F9: variants seen among roughly 807,000 people sequenced by gnomAD.
F9 encodes the protein Christmas factor.
Under a neutral mutation model 34.1 loss-of-function variants are expected in F9, and 2 were observed. The observed-to-expected ratio is 0.06, with a 90% CI of 0.02 to 0.18. The LOEUF (loss-of-function observed/expected upper bound fraction) is 0.18, where lower values mean the gene tolerates loss of function less well. Ranked by LOEUF, F9 falls within the 10% of genes least tolerant of loss-of-function variation. The pLI is 1.00. For missense variants in F9, 216 were observed against 345.1 expected, an observed-to-expected ratio of 0.63 and a Z score of 2.96; for synonymous variants, 137 against 118.8, an observed-to-expected ratio of 1.15 and a Z score of -1.00.
chrX:139,532,757 G>T (rs1011727093), intron 1 of F9, among the ~76,000 whole-genome samples: 12 of 111,864 alleles, frequency 1.1e-4, no homozygotes, highest in African/African-American at 3.9e-4. Context: ...TGATATAAGG[G>T]CATTTTATGC....
At position 139,541,089 on chromosome X, in the gene F9, T is replaced by G; in HGVS notation, c.291T>G (p.Cys97Trp). 8.4e-7 allele frequency: 1 copy of G among 1,194,292 alleles called. No individual in the cohort carries two copies. The highest frequency in any genetic ancestry group is 1.1e-6 in the Non-Finnish European group (1 of 882,554). ...FWKQYVDGDQ[C>W]ESNPCLNGGS... ...CCTATCTCAAAGATGGAGATCAGTG[T>G]GAGTCCAATCCATGTTTAAATGGCG... The change falls in exon 4 of 8, where the codon TGT becomes TGG. Residue 97 changes from cysteine to tryptophan, a missense_variant. Physicochemically the swap from Cys to Trp is radical, Grantham distance 215 (BLOSUM62 -2). This residue lies in a region of F9 where 177 missense variants were observed against 311.8 expected (regional missense o/e 0.57). Coordinates refer to ENST00000218099, the MANE Select transcript of F9 (RefSeq NM_000133.4).
chrX:139,558,899 C>T (rs1318953217), intron 6 of F9, among the ~76,000 whole-genome samples: 1 of 111,966 alleles, frequency 8.9e-6, no homozygotes, highest in African/African-American at 3.3e-5. Flanking sequence ...GATTCTACTG[C>T]AATTGGTCCA....
rs915105161 is a variant in F9 at position 139,562,566 on chromosome X, C to T, written c.*495C>T. ...GAGAGGCTAAAACTCATCAAAAACA[C>T]TACTCCTTTTCCTCTACCCTATTCC... On this transcript the variant is annotated 3_prime_UTR_variant, in exon 8 of 8. Coordinates refer to ENST00000218099, the MANE Select transcript of F9 (RefSeq NM_000133.4). The T allele has an allele frequency of 2.6e-5, 3 of 114,721 alleles. No homozygotes were observed. The highest frequency in any genetic ancestry group is 6.5e-5 in the African/African-American group (2 of 30,714). 9.5% of individuals were successfully genotyped at this position (114,721 alleles called of 1,213,427 possible). A position where few individuals can be genotyped will look rare whatever the true frequency, so the allele number is the denominator to read the frequency against.
At chrX:139,554,909 T>C (rs1242532515) in intron 6 of F9, among the ~76,000 whole-genome samples, 4 of 112,247 alleles carry the variant, frequency 3.6e-5, no homozygotes, top group Admixed American at 1.9e-4. Flanking sequence ...ACATAGAGAG[T>C]TCACTTTCAT....
chrX:139,555,601 G>A (rs938346148), intron 6 of F9, among the ~76,000 whole-genome samples: 1 of 112,835 alleles, frequency 8.9e-6, no homozygotes, highest in Non-Finnish European at 1.9e-5. Context: ...CCAATGGAAG[G>A]AGGTACTTCA....
intron 1 of F9, among the ~76,000 whole-genome samples, chrX:139,531,185 A>C (rs1466286803): frequency 8.9e-6 from 1 of 111,984 alleles, no homozygotes; most frequent in Non-Finnish European, 1.9e-5. Context: ...AAATAGCAGA[A>C]TATAGTGAAA....
intron 4 of F9, among the ~76,000 whole-genome samples, chrX:139,546,440 C>A (rs373991385): frequency 1.3e-4 from 14 of 111,669 alleles, no homozygotes; most frequent in African/African-American, 4.6e-4. Context: ...GGAAGCCAAG[C>A]AATTTCTAGA....
intron 1 of F9, among the ~76,000 whole-genome samples, chrX:139,536,173 A>G (rs1927458385): frequency 9.5e-6 from 1 of 104,775 alleles, no homozygotes; most frequent in African/African-American, 3.5e-5. Flanking sequence ...GTATATATGT[A>G]TACATATATA....
At position 139,536,165 on chromosome X, in the gene F9, A is replaced by G. The variant is rs1051284412; in HGVS notation, c.89-845A>G. ...ATATATATGATATATATGTGTGTGT[A>G]TATATGTATACATATATATGTGTAC... On this transcript the variant is annotated intron_variant, in intron 1 of 7. Transcript: ENST00000218099. 1.3e-4 allele frequency among the ~76,000 whole-genome samples: 14 copies of G among 105,967 alleles called. 1 individual carries two copies. Among genetic ancestry groups the G allele is most frequent in the Non-Finnish European group, 1.7e-4 (9 of 51,633 alleles). The allele number at this position is 105,967 out of a possible 115,157, so 92.0% of individuals were successfully genotyped here. A position where few individuals can be genotyped will look rare whatever the true frequency, so the allele number is the denominator to read the frequency against.
In F9 at chrX:139,561,996, G is replaced by A. The variant is rs1569333092; in HGVS notation, c.1311G>A (p.Met437Ile). The change falls in exon 8 of 8, where the codon ATG (methionine) becomes ATA (isoleucine). Residue 437 changes from methionine to isoleucine, a missense_variant. Met to Ile is a conservative substitution (Grantham distance 10). This residue lies in a region of F9 where 177 missense variants were observed against 311.8 expected (regional missense o/e 0.57). Coordinates refer to ENST00000218099, the MANE Select transcript of F9 (RefSeq NM_000133.4). ...TTAGCTGGGGTGAAGAGTGTGCAAT[G>A]AAAGGCAAATATGGAATATATACCA... The part of the protein sequence containing the change: ...GIISWGEECA[M>I]KGKYGIYTKV... 2 of 1,211,061 alleles carry A rather than the reference G, an allele frequency of 1.7e-6. No individual in the cohort carries two copies. The highest frequency in any genetic ancestry group is 4.4e-5 in the Admixed American group (2 of 45,960).
chrX:139,536,988 G>T (rs1254654213), intron 1 of F9, 22 bp from the exon 2 acceptor site: 3 of 1,186,912 alleles, frequency 2.5e-6, no homozygotes, highest in East Asian at 3.0e-5. Flanking sequence ...TAAAACTAAA[G>T]AATTATTCTT....
intron 6 of F9, among the ~76,000 whole-genome samples, chrX:139,552,092 G>T (rs1927859886): frequency 9.0e-6 from 1 of 111,424 alleles, no homozygotes; most frequent in Non-Finnish European, 1.9e-5. Context: ...TATTCAGGAG[G>T]CTGAGGTGGG....
chrX:139,541,273 C>T (rs1927596250), intron 4 of F9, 84 bp downstream of exon 4: 2 of 605,630 alleles, frequency 3.3e-6, no homozygotes, highest in East Asian at 8.9e-5. Flanking sequence ...ATTGGTGTAT[C>T]ATAATTTTTC....
At chrX:139,548,054 T>C (rs1316893223) in intron 4 of F9, among the ~76,000 whole-genome samples, 1 of 112,288 alleles carries the variant, frequency 8.9e-6, no homozygotes, top group East Asian at 2.8e-4. Flanking sequence ...TTTGAATATA[T>C]GTTATACATT....
intron 6 of F9, among the ~76,000 whole-genome samples, chrX:139,557,784 C>T (rs184931554): frequency 1.8e-5 from 2 of 112,963 alleles, no homozygotes; most frequent in Admixed American, 9.3e-5. Context: ...TTATGACCGG[C>T]GTACTTACGC....
intron 1 of F9, among the ~76,000 whole-genome samples, chrX:139,531,432 C>T (rs1227113286): frequency 8.9e-6 from 1 of 111,924 alleles, no homozygotes; most frequent in African/African-American, 3.2e-5. Context: ...TTAGTTATCA[C>T]CAAAGCTTTT....
At chrX:139,558,961 C>T (rs4149743) in intron 6 of F9, among the ~76,000 whole-genome samples, 2,123 of 111,674 alleles carry the variant, frequency 0.019, 43 homozygotes, top group African/African-American at 0.067. Flanking sequence ...ATTCTGGAGC[C>T]GGGCAGACTT....
At chrX:139,556,888 G>A (rs1927979558) in intron 6 of F9, among the ~76,000 whole-genome samples, 1 of 112,160 alleles carries the variant, frequency 8.9e-6, no homozygotes, top group African/African-American at 3.2e-5. Context: ...ATGAGTGAGA[G>A]CAAACACTCT....
chrX:139,562,182 T>A lies in F9; in HGVS notation c.*111T>A, dbSNP rs779418553. ...AGATTTGAATATATACATTCTATGA[T>A]CATTGCTTTTTCTCTTTACAGGGGA... On this transcript the variant is annotated 3_prime_UTR_variant, in exon 8 of 8. Coordinates refer to ENST00000218099, the MANE Select transcript of F9 (RefSeq NM_000133.4). 4.5e-5 allele frequency: 31 copies of A among 690,194 alleles called. No homozygotes were observed. Among genetic ancestry groups the A allele is most frequent in the Middle Eastern group, 4.4e-4 (1 of 2,263 alleles). The allele number at this position is 690,194 out of a possible 1,213,427, so 56.9% of individuals were successfully genotyped here. A position where few individuals can be genotyped will look rare whatever the true frequency, so the allele number is the denominator to read the frequency against.
Sources: gnomAD v4.1 joint callset for allele counts (sites outside exome capture counted in the v4.1 genomes callset) on GRCh38, gnomAD v4.1.1 for gene constraint, gnomAD v4.1.1 regional missense constraint, MANE v1.5 for transcripts, NCBI Gene and HGNC (gene_info 2026-07-23, HGNC 2026-07-21) for gene names.